PCGF6: variants seen among roughly 807,000 people sequenced by gnomAD.
The protein encoded by PCGF6 is polycomb group ring finger 6, also known as polycomb group RING finger protein 6.
In PCGF6, 24 loss-of-function variants were observed where a neutral mutation model predicts 45.5. That is an observed-to-expected ratio of 0.53 (90% CI 0.38 to 0.74). The LOEUF is 0.74. PCGF6 is among the 30% of genes least tolerant of loss of function. The pLI is 0.00. For synonymous variants in PCGF6, 152 were observed against 162.1 expected (o/e 0.94, Z 0.47); for missense variants, 356 against 443.2 (o/e 0.80, Z 1.77).
intron 8 of PCGF6, among the ~76,000 whole-genome samples, chr10:103,320,415 G>C (rs370087649): frequency 8.6e-4 from 131 of 152,212 alleles, no homozygotes; most frequent in African/African-American, 2.8e-3. Flanking sequence ...GGCCGGGCGC[G>C]GTGGCTCACA....
intron 8 of PCGF6, among the ~76,000 whole-genome samples, chr10:103,314,734 G>T (rs2093168480): frequency 6.6e-6 from 1 of 151,926 alleles, no homozygotes; most frequent in African/African-American, 2.4e-5. Context: ...CAGATCACCT[G>T]AGGTCAGGAG....
chr10:103,348,886 A>G lies in PCGF6; in HGVS notation c.460+14T>C. ...AACTGAAAAATTATTCAGAAATGTGATCGGTATGCTTACAGGTATGAAGAC... is the reference window on the plus strand; with the variant it reads ...AACTGAAAAATTATTCAGAAATGTGGTCGGTATGCTTACAGGTATGAAGAC... On this transcript the variant is annotated intron_variant, in intron 2 of 9. Coordinates refer to ENST00000369847, the MANE Select transcript of PCGF6 (RefSeq NM_001011663.2). 1 of 1,605,874 alleles carries G rather than the reference A, an allele frequency of 6.2e-7. No individual in the cohort carries two copies. Among genetic ancestry groups the G allele is most frequent in the Non-Finnish European group, 8.5e-7 (1 of 1,174,240 alleles).
chr10:103,311,922 G>A (rs1371843064), intron 9 of PCGF6, among the ~76,000 whole-genome samples: 2 of 151,156 alleles, frequency 1.3e-5, no homozygotes, highest in African/African-American at 4.9e-5. Context: ...AACCTCATCT[G>A]TATTAAAAAT....
At chr10:103,349,536 A>G (rs1305575889) in intron 1 of PCGF6, among the ~76,000 whole-genome samples, 1 of 122,526 alleles carries the variant, frequency 8.2e-6, no homozygotes, top group African/African-American at 3.1e-5. Flanking sequence ...ACTGGAGTGC[A>G]GCGGCAAGAT....
At chr10:103,314,823 A>T (rs897637559) in intron 8 of PCGF6, among the ~76,000 whole-genome samples, 4 of 151,530 alleles carry the variant, frequency 2.6e-5, no homozygotes, top group Non-Finnish European at 5.9e-5. Flanking sequence ...GGTGGTAATC[A>T]TGGTGCCTGT....
chr10:103,326,980 T>C (rs2093221225), intron 7 of PCGF6, among the ~76,000 whole-genome samples: 1 of 152,054 alleles, frequency 6.6e-6, no homozygotes, highest in Admixed American at 6.6e-5. Context: ...AAACACCCAA[T>C]ACCAAATGTC....
intron 6 of PCGF6, among the ~76,000 whole-genome samples, chr10:103,340,322 A>G (rs2093276301): frequency 6.6e-6 from 1 of 151,334 alleles, no homozygotes; most frequent in Admixed American, 6.6e-5. Flanking sequence ...TCCTATTCCA[A>G]GGTAGGGCTT....
intron 9 of PCGF6, among the ~76,000 whole-genome samples, chr10:103,309,897 G>C (rs2093150831): frequency 6.6e-6 from 1 of 152,036 alleles, no homozygotes; most frequent in Admixed American, 6.6e-5. Context: ...AGCCATGATT[G>C]TGCCACTGCA....
intron 1 of PCGF6, among the ~76,000 whole-genome samples, chr10:103,350,455 G>A (rs1564737328): frequency 6.6e-6 from 1 of 152,146 alleles, no homozygotes. Flanking sequence ...TTAACAGAAC[G>A]AATGAGTTGG....
At chr10:103,316,025 G>GAC (rs2093175154) in intron 8 of PCGF6, among the ~76,000 whole-genome samples, 1 of 151,222 alleles carries the variant, frequency 6.6e-6, no homozygotes, top group Non-Finnish European at 1.5e-5. Flanking sequence ...GAGAGAGAGA[G>GAC]AGAGAGAGAG....
chr10:103,335,423 G>A (rs139834723), intron 6 of PCGF6, among the ~76,000 whole-genome samples: 2,893 of 151,326 alleles, frequency 0.019, 35 homozygotes, highest in Non-Finnish European at 0.033. Context: ...GTGCAGTGGC[G>A]TGATCTCGGC....
At chr10:103,321,745 T>A (rs964494983) in intron 8 of PCGF6, among the ~76,000 whole-genome samples, 1 of 151,868 alleles carries the variant, frequency 6.6e-6, no homozygotes. Flanking sequence ...AATAATAATA[T>A]ATTGTAATTG....
At chr10:103,340,467 A>G (rs573907533) in intron 6 of PCGF6, among the ~76,000 whole-genome samples, 1 of 152,200 alleles carries the variant, frequency 6.6e-6, no homozygotes, top group South Asian at 2.1e-4. Context: ...AAGTAAAGAA[A>G]GAAGAAATGG....
Position 103,333,993 on chromosome 10 carries a change from A to G in PCGF6, c.783-41T>C, listed in dbSNP as rs748564620. ...AAAATTAATCAATATTTAATACTTT[A>G]AGCTATATGTTTAATCATAAAACAA... On this transcript the variant is annotated intron_variant, in intron 6 of 9. Coordinates refer to ENST00000369847, the MANE Select transcript of PCGF6 (RefSeq NM_001011663.2). 3.7e-6 allele frequency: 5 copies of G among 1,335,358 alleles called. 1 individual carries two copies. In the East Asian group the frequency reaches 1.3e-4, roughly 35 times the overall value. 82.7% of individuals were successfully genotyped at this position (1,335,358 alleles called of 1,614,324 possible). A position where few individuals can be genotyped will look rare whatever the true frequency, so the allele number is the denominator to read the frequency against.
chr10:103,314,771 G>A (rs910493209), intron 8 of PCGF6, among the ~76,000 whole-genome samples: 1 of 151,818 alleles, frequency 6.6e-6, no homozygotes, highest in Non-Finnish European at 1.5e-5. Context: ...CCAACATGGT[G>A]AAACCCTGTC....
intron 9 of PCGF6, chr10:103,312,690 G>C (rs1455956826): frequency 6.6e-6 from 1 of 152,116 alleles, no homozygotes. Flanking sequence ...GGCCGGGCGC[G>C]GTGGCTCACA....
At chr10:103,336,062 T>TCGAGACCAGCCTGGGCAACAAA (rs2093256037) in intron 6 of PCGF6, among the ~76,000 whole-genome samples, 1 of 149,680 alleles carries the variant, frequency 6.7e-6, no homozygotes, top group Non-Finnish European at 1.5e-5. Flanking sequence ...GCTCAGGAGC[T>TCGAGACCAGCCTGGGCAACAAA]CGAGACCAGC....
chr10:103,344,242 A>G (rs942064611), intron 6 of PCGF6, among the ~76,000 whole-genome samples: 4 of 151,832 alleles, frequency 2.6e-5, no homozygotes, highest in African/African-American at 7.3e-5. Flanking sequence ...TGGCAACCAC[A>G]TGAAAAAAAA....
rs1361288896 is a variant in PCGF6, at chr10:103,305,096, G to A, written c.997-1135C>T. On this transcript the variant is annotated intron_variant, in intron 9 of 9. Transcript: ENST00000369847. ...TCCAACCTCAGCTTCGCAACTAGCTGGGACCACACACACGCATGTGCCACC... is the reference window on the plus strand; with the variant it reads ...TCCAACCTCAGCTTCGCAACTAGCTAGGACCACACACACGCATGTGCCACC... Among the ~76,000 whole-genome samples, 3 of 152,010 alleles carry A rather than the reference G, an allele frequency of 2.0e-5. No individual in the cohort carries two copies. In the East Asian group the frequency reaches 5.8e-4, roughly 29 times the overall value.
Sources: allele counts gnomAD v4.1 joint callset (sites outside exome capture counted in the v4.1 genomes callset), GRCh38; gene constraint gnomAD v4.1.1; transcripts MANE v1.5; gene names NCBI Gene and HGNC (gene_info 2026-07-23, HGNC 2026-07-21).